PCDHGA3: variants seen among roughly 807,000 people sequenced by gnomAD.
PCDHGA3 encodes the protein protocadherin gamma-A3.
PCDHGA3 carries 40 observed loss-of-function variants against 58.5 expected under a neutral mutation model. That is an observed-to-expected ratio of 0.68 (90% CI 0.53 to 0.89). The LOEUF (loss-of-function observed/expected upper bound fraction) is 0.89, where lower values mean the gene tolerates loss of function less well. Among genes scored for constraint, PCDHGA3 ranks in the 40% least tolerant of loss-of-function variants. The pLI is 0.00. For synonymous variants in PCDHGA3, 530 were observed against 525.7 expected (o/e 1.01, Z -0.11); for missense variants, 1,223 against 1,195.9 (o/e 1.02, Z -0.33).
rs369940443 is a variant in PCDHGA3, at chr5:141,477,841, C to G, written c.2425-16966C>G. 6.2e-7 allele frequency: 1 copy of G among 1,613,308 alleles called. No individual in the cohort carries two copies. The highest frequency in any genetic ancestry group is 1.3e-5 in the African/African-American group (1 of 74,700). On this transcript the variant is annotated intron_variant, in intron 1 of 3. Coordinates refer to ENST00000253812, the MANE Select transcript of PCDHGA3 (RefSeq NM_018916.4). The surrounding 1 kb of genome is among the most constrained non-coding windows in gnomAD (Gnocchi z 4.9). ...TCCTATATCCTCGGCCAGGTGGGAG[C>G]TCGGTGGAGATGCTGCCTCGAGGTA...
intron 1 of PCDHGA3, among the ~76,000 whole-genome samples, chr5:141,347,824 T>C (rs1758026620): frequency 6.6e-6 from 1 of 152,170 alleles, no homozygotes; most frequent in African/African-American, 2.4e-5. Flanking sequence ...CAAATGGTTT[T>C]ACCTATAGTG....
intron 1 of PCDHGA3, chr5:141,393,645 G>A (rs2092814255): frequency 6.2e-7 from 1 of 1,613,752 alleles, no homozygotes; most frequent in Non-Finnish European, 8.5e-7. Flanking sequence ...CGGAAAAGTG[G>A]CATACAAATT....
chr5:141,415,055 C>A (rs767474996), intron 1 of PCDHGA3: 1 of 1,613,402 alleles, frequency 6.2e-7, no homozygotes, highest in Non-Finnish European at 8.5e-7. Context: ...GGGGAGCACA[C>A]GGGCGAGGTG....
rs1258752203 is a variant in PCDHGA3, at chr5:141,431,160, G to C, written c.2425-63647G>C. On this transcript the variant is annotated intron_variant, in intron 1 of 3. Coordinates refer to ENST00000253812, the MANE Select transcript of PCDHGA3 (RefSeq NM_018916.4). The surrounding 1 kb of genome is among the most constrained non-coding windows in gnomAD (Gnocchi z 4.8). ...ATTAACGACAATGCGCCTTACTTTC[G>C]TGAAAGTGAATTAGAAATAAAAATT... is the stretch of plus-strand genomic sequence containing the variant. The C allele has an allele frequency of 6.2e-7, 1 of 1,614,198 alleles. No homozygotes were observed. Among genetic ancestry groups the C allele is most frequent in the South Asian group, 1.1e-5 (1 of 91,084 alleles).
rs778586702 is a variant in PCDHGA3, at chr5:141,404,963, A to G, written c.2424+58506A>G. 8.7e-6 allele frequency: 14 copies of G among 1,613,744 alleles called. No homozygotes were observed. In the South Asian group the frequency reaches 1.5e-4, roughly 18 times the overall value. ...AGCCATAGCTGACAGCATCCCAGAC[A>G]TCCTGGCTGACCTGGGCAGTCTTCA... On this transcript the variant is annotated intron_variant, in intron 1 of 3. Transcript: ENST00000253812.
intron 1 of PCDHGA3, chr5:141,414,180 A>T: frequency 6.2e-7 from 1 of 1,608,986 alleles, no homozygotes; most frequent in Non-Finnish European, 8.5e-7. Context: ...TTGCAACTGC[A>T]AAAGTGTTGA....
chr5:141,478,599 T>A, intron 1 of PCDHGA3: 1 of 1,565,814 alleles, frequency 6.4e-7, no homozygotes, highest in Non-Finnish European at 8.7e-7. Flanking sequence ...TATTCCTACA[T>A]CATATTGAGG....
At chr5:141,427,963 T>C (rs1289642441) in intron 1 of PCDHGA3, 1 of 1,589,380 alleles carries the variant, frequency 6.3e-7, no homozygotes, top group East Asian at 2.2e-5. Flanking sequence ...GTGCCGCGGG[T>C]GCTGTACCCC....
intron 1 of PCDHGA3, chr5:141,424,630 A>G (rs1440031596): frequency 1.3e-5 from 2 of 152,366 alleles, no homozygotes; most frequent in East Asian, 3.9e-4. Flanking sequence ...TTGTGAATAT[A>G]TAAATAGATT....
rs371821042 is a variant in PCDHGA3, at chr5:141,421,764, T to C, written c.2425-73043T>C. The C allele has an allele frequency of 8.7e-6, 14 of 1,613,782 alleles. No individual in the cohort carries two copies. The African/African-American group carries it at 1.5e-4, about 17-fold the overall frequency. ...ACCAGCTCAGCCCTAATAATTACTT[T>C]TCCTTGCAACTGCGGGGCAGAACGG... On this transcript the variant is annotated intron_variant, in intron 1 of 3. Transcript: ENST00000253812.
At chr5:141,360,955 A>G in intron 1 of PCDHGA3, 1 of 1,613,952 alleles carries the variant, frequency 6.2e-7, no homozygotes, top group Non-Finnish European at 8.5e-7. Context: ...TGAAGGCATA[A>G]ACGCAGAGAT....
At chr5:141,378,264 C>T (rs1167989776) in intron 1 of PCDHGA3, 2 of 152,212 alleles carry the variant, frequency 1.3e-5, no homozygotes, top group Non-Finnish European at 1.5e-5. Flanking sequence ...GTGGCTCATG[C>T]CTGTAATCCC....
intron 3 of PCDHGA3, among the ~76,000 whole-genome samples, chr5:141,510,369 C>G (rs1403924479): frequency 7.1e-6 from 1 of 140,308 alleles, no homozygotes; most frequent in Non-Finnish European, 1.6e-5. Context: ...TACCGAATCT[C>G]TACTCGTGCC....
At position 141,487,465 on chromosome 5, in the gene PCDHGA3, T is replaced by C. The variant is rs1354086784; in HGVS notation, c.2425-7342T>C. 1.9e-6 allele frequency: 3 copies of C among 1,614,194 alleles called. No individual in the cohort carries two copies. The highest frequency in any genetic ancestry group is 1.7e-6 in the Non-Finnish European group (2 of 1,180,020). Reference sequence around the variant, plus strand: ...CAGATGACCCTATCAAGTTTGTTGATGTGGGAGGCCACTCTCATGGCTGTA... The same window carrying C: ...CAGATGACCCTATCAAGTTTGTTGACGTGGGAGGCCACTCTCATGGCTGTA... On this transcript the variant is annotated intron_variant, in intron 1 of 3. Transcript: ENST00000253812. The surrounding 1 kb of genome is among the most constrained non-coding windows in gnomAD (Gnocchi z 5.0).
intron 1 of PCDHGA3, among the ~76,000 whole-genome samples, chr5:141,468,759 G>A (rs1202810666): frequency 3.9e-5 from 6 of 151,990 alleles, no homozygotes; most frequent in Admixed American, 2.0e-4. Context: ...CCAGCTACTC[G>A]GGAGGCTGAG....
At position 141,431,580 on chromosome 5, in the gene PCDHGA3, A is replaced by G. The variant is rs777990962; in HGVS notation, c.2425-63227A>G. ...GCTACCGACCCTGACGAAGGAGTCA[A>G]TGCGGAAGTGAGGTATTCCTTCCGG... On this transcript the variant is annotated intron_variant, in intron 1 of 3. Coordinates refer to ENST00000253812, the MANE Select transcript of PCDHGA3 (RefSeq NM_018916.4). The surrounding 1 kb of genome is among the most constrained non-coding windows in gnomAD (Gnocchi z 4.8). 1.2e-5 allele frequency: 19 copies of G among 1,614,098 alleles called. No homozygotes were observed. Among genetic ancestry groups the G allele is most frequent in the Non-Finnish European group, 1.5e-5 (18 of 1,180,040 alleles).
At chr5:141,495,814 T>C (rs2099764028) in intron 2 of PCDHGA3, among the ~76,000 whole-genome samples, 1 of 152,134 alleles carries the variant, frequency 6.6e-6, no homozygotes, top group Non-Finnish European at 1.5e-5. Context: ...TCCTAGCGCC[T>C]TGTGTTCTTC....
At chr5:141,376,589 C>A in intron 1 of PCDHGA3, 1 of 1,568,198 alleles carries the variant, frequency 6.4e-7, no homozygotes, top group South Asian at 1.2e-5. Context: ...TCAGCTAGAT[C>A]GGCTGTTATA....
chr5:141,388,378 A>G, intron 1 of PCDHGA3: 1 of 1,614,028 alleles, frequency 6.2e-7, no homozygotes, highest in Non-Finnish European at 8.5e-7. Context: ...ATTGGTAGCA[A>G]CACACTGCAG....
Sources: allele counts gnomAD v4.1 joint callset (sites outside exome capture counted in the v4.1 genomes callset), GRCh38; gene constraint gnomAD v4.1.1; non-coding constraint Gnocchi (gnomAD v3.1); transcripts MANE v1.5; gene names NCBI Gene and HGNC (gene_info 2026-07-23, HGNC 2026-07-21).